PAK6: variants seen among roughly 807,000 people sequenced by gnomAD.
PAK6 encodes serine/threonine-protein kinase PAK 6.
In PAK6, 33 loss-of-function variants were observed where a neutral mutation model predicts 60.8. The observed-to-expected ratio is 0.54, with a 90% CI of 0.41 to 0.73. The LOEUF (loss-of-function observed/expected upper bound fraction) is 0.73, where lower values mean the gene tolerates loss of function less well. PAK6 is among the 30% of genes least tolerant of loss of function. PAK6 has a pLI of 0.00. For missense variants in PAK6, 845 were observed against 904.1 expected (o/e 0.93, Z 0.84); for synonymous variants, 404 against 378.5 (o/e 1.07, Z -0.78).
rs902196326 is a variant in PAK6 at position 40,274,371 on chromosome 15, A to T, written c.1878+95A>T. 4.3e-5 allele frequency: 58 copies of T among 1,338,490 alleles called. 1 individual carries two copies. Among genetic ancestry groups the T allele is most frequent in the Non-Finnish European group, 5.7e-5 (56 of 981,406 alleles). The allele number at this position is 1,338,490 out of a possible 1,614,324, so 82.9% of individuals were successfully genotyped here. The stretch of plus-strand genomic sequence containing the variant: ...GCTCCCAGCATCTCCCTTCCACTGA[A>T]GCCACAGGGTCTGGGCTCCTGGAAA... On this transcript the variant is annotated intron_variant, in intron 10 of 10. Transcript: ENST00000560346.
intron 3 of PAK6, among the ~76,000 whole-genome samples, chr15:40,255,177 T>C (rs2038801513): frequency 6.6e-6 from 1 of 152,148 alleles, no homozygotes. Context: ...CAGACCTCTG[T>C]GTGCAGAGGC....
At position 40,274,295 on chromosome 15, in the gene PAK6, G is replaced by A; in HGVS notation, c.1878+19G>A. The A allele has an allele frequency of 6.3e-7, 1 of 1,578,892 alleles. No homozygotes were observed. Among genetic ancestry groups the A allele is most frequent in the Non-Finnish European group, 8.6e-7 (1 of 1,162,446 alleles). ...TCACAAGGTCAGTTGGCACACAAGG[G>A]TGCGACCTCGCAGACCCCATTCCTC... On this transcript the variant is annotated intron_variant, in intron 10 of 10. Coordinates refer to ENST00000560346, the Ensembl canonical transcript of PAK6.
At chr15:40,241,704 C>G (rs2038349999) in intron 2 of PAK6, among the ~76,000 whole-genome samples, 1 of 152,168 alleles carries the variant, frequency 6.6e-6, no homozygotes, top group African/African-American at 2.4e-5. Context: ...GCCCCGAGGA[C>G]AAACTGATGC....
At chr15:40,269,735 T>A (rs2039249195) in intron 5 of PAK6, among the ~76,000 whole-genome samples, 1 of 152,210 alleles carries the variant, frequency 6.6e-6, no homozygotes, top group African/African-American at 2.4e-5. Context: ...TCCCAGACTC[T>A]GCTTGTGCTG....
At chr15:40,249,801 G>C (rs536921269) in intron 2 of PAK6, among the ~76,000 whole-genome samples, 1 of 152,366 alleles carries the variant, frequency 6.6e-6, no homozygotes, top group South Asian at 2.1e-4. Flanking sequence ...GGATAACCGG[G>C]AAGTGCCTGC....
At chr15:40,271,883 C>T (rs1204895362) in intron 5 of PAK6, among the ~76,000 whole-genome samples, 1 of 152,214 alleles carries the variant, frequency 6.6e-6, no homozygotes, top group Non-Finnish European at 1.5e-5. Context: ...CTCACGGCAG[C>T]CTCCCTGGGG....
chr15:40,260,568 C>G (rs1012779439), intron 3 of PAK6, among the ~76,000 whole-genome samples: 21 of 152,282 alleles, frequency 1.4e-4, no homozygotes, highest in Middle Eastern at 6.8e-3. Context: ...ATCTTAATAT[C>G]TATTTAGTAC....
At position 40,266,409 on chromosome 15, in the gene PAK6, C is replaced by T. The variant is rs143324236; in HGVS notation, c.772C>T (p.Arg258Cys). The change falls in exon 5 of 11, where the codon CGC (arginine) becomes TGC (cysteine). Residue 258 changes from arginine to cysteine, a missense_variant. Physicochemically the swap from Arg to Cys is radical, Grantham distance 180. Transcript: ENST00000560346. ...TAAGACCCGGGAGAGCAGCCTGAAGCGCAGGCTATTCCGAAGCATGTTCCT... is the reference window on the plus strand; with the variant it reads ...TAAGACCCGGGAGAGCAGCCTGAAGTGCAGGCTATTCCGAAGCATGTTCCT... 3.6e-5 allele frequency: 58 copies of T among 1,613,066 alleles called. No homozygotes were observed. Among genetic ancestry groups the T allele is most frequent in the African/African-American group, 2.9e-4 (22 of 75,050 alleles).
chr15:40,269,422 G>A (rs535686883), intron 5 of PAK6, among the ~76,000 whole-genome samples: 9 of 152,354 alleles, frequency 5.9e-5, no homozygotes, highest in Admixed American at 2.0e-4. Flanking sequence ...GGCTCAGGGC[G>A]GGAAATGAGG....
At chr15:40,275,791 G>T (rs1026585190) in intron 10 of PAK6, 136 bp from the exon 11 acceptor site, 15 of 759,140 alleles carry the variant, frequency 2.0e-5, no homozygotes, top group Middle Eastern at 2.4e-4. Context: ...GCCTTGAGGG[G>T]GTGGGGAGGG....
At chr15:40,276,866 C>T (rs1464017671) in exon 11 of PAK6, 1 of 152,222 alleles carries the variant, frequency 6.6e-6, no homozygotes, top group East Asian at 1.9e-4. Flanking sequence ...CTGCCCCTCT[C>T]TCCCACTAAG....
exon 5 of PAK6, chr15:40,265,941 G>T: frequency 6.2e-7 from 1 of 1,606,906 alleles, no homozygotes; most frequent in Non-Finnish European, 8.5e-7. Flanking sequence ...CACCCTGCGT[G>T]GCCGCAGCCC....
intron 3 of PAK6, among the ~76,000 whole-genome samples, chr15:40,255,743 C>T (rs1235859229): frequency 2.6e-5 from 4 of 152,116 alleles, no homozygotes; most frequent in Non-Finnish European, 2.9e-5. Context: ...CAAGGATCAG[C>T]GAGGGGACAG....
rs55806501 is a variant in PAK6 at position 40,272,492 on chromosome 15, C to T, written c.1127C>T (p.Ala376Val). 3,895 of 1,613,804 alleles carry T rather than the reference C, an allele frequency of 2.4e-3. 6 individuals carry two copies. Among genetic ancestry groups the T allele is most frequent in the Non-Finnish European group, 3.0e-3 (3,496 of 1,180,012 alleles). Residue 376 changes from alanine to valine, a missense_variant, in exon 6 of 11, where the codon GCC (alanine) becomes GTC (valine). By Grantham distance (64) the Ala-to-Val change is moderately conservative. Transcript: ENST00000560346. ...CAGGACCCCACGGTTGCCAAGGGTG[C>T]CCTGGCTGGTGAGGACACAGGTGTT...
At chr15:40,252,704 G>T in intron 2 of PAK6, 1 of 1,305,516 alleles carries the variant, frequency 7.7e-7, no homozygotes. Context: ...GGGTTCCCCG[G>T]CTGCCCCGGA....
rs572524469 is a variant in PAK6 at position 40,262,947 on chromosome 15, G to T, written c.-5-1834G>T. On this transcript the variant is annotated intron_variant, in intron 3 of 10. Coordinates refer to ENST00000560346, the Ensembl canonical transcript of PAK6. ...CACACAGGTTGTTTTATTCCAAAGG[G>T]CTTGGTCTGTAAGGGTCCTGTACAT... is the stretch of plus-strand genomic sequence containing the variant. 7.9e-5 allele frequency among the ~76,000 whole-genome samples: 12 copies of T among 152,278 alleles called. 1 individual carries two copies. Among genetic ancestry groups the T allele is most frequent in the African/African-American group, 2.9e-4 (12 of 41,550 alleles).
Position 40,276,070 on chromosome 15 carries a change from C to A in PAK6, c.2022C>A (p.Tyr674Ter). Residue 674 changes from tyrosine to a stop codon, truncating the protein, a stop_gained, in exon 11 of 11, where the codon TAC becomes TAA. Coordinates refer to ENST00000560346, the Ensembl canonical transcript of PAK6. LOFTEE classifies it high-confidence loss of function. The stretch of plus-strand genomic sequence containing the variant: ...GCCTGGTGCCCCTGATCCAGCTCTA[C>A]CGAAAGCAGACCTCCACCTGCTGAG... The A allele has an allele frequency of 6.2e-7, 1 of 1,613,846 alleles. No homozygotes were observed. Among genetic ancestry groups the A allele is most frequent in the Non-Finnish European group, 8.5e-7 (1 of 1,179,956 alleles).
rs757458339 is a variant in PAK6, at chr15:40,273,357, A to G, written c.1502A>G (p.Glu501Gly). The change falls in exon 8 of 11, where the codon GAG (glutamate) becomes GGG (glycine). Residue 501 changes from glutamate to glycine, a missense_variant. Transcript: ENST00000560346. Reference sequence around the variant, plus strand: ...ACCTTCCTGTCCAGGCTGAATGAGGAGCAGATTGCCACTGTGTGTGAGGCT... The same window carrying G: ...ACCTTCCTGTCCAGGCTGAATGAGGGGCAGATTGCCACTGTGTGTGAGGCT... The G allele has an allele frequency of 3.1e-6, 5 of 1,613,736 alleles. No individual in the cohort carries two copies. The South Asian group carries it at 3.3e-5, about 11-fold the overall frequency.
At chr15:40,244,957 A>G (rs2140942504) in intron 2 of PAK6, 1 of 152,358 alleles carries the variant, frequency 6.6e-6, no homozygotes, top group East Asian at 1.9e-4. Context: ...AGACCCAAGT[A>G]TTCACATAGG....
Sources: gnomAD v4.1 joint callset for allele counts (sites outside exome capture counted in the v4.1 genomes callset) on GRCh38, gnomAD v4.1.1 for gene constraint, MANE v1.5 for transcripts, NCBI Gene and HGNC (gene_info 2026-07-23, HGNC 2026-07-21) for gene names.